RCOR2: variants seen among roughly 807,000 people sequenced by gnomAD.
The protein encoded by RCOR2 is REST corepressor 2.
A neutral mutation model predicts 58.9 loss-of-function variants in RCOR2; 19 were observed. The observed-to-expected ratio is 0.32, with a 90% CI of 0.23 to 0.47. The LOEUF (loss-of-function observed/expected upper bound fraction) is 0.47. Ranked by LOEUF, RCOR2 falls within the 20% of genes least tolerant of loss-of-function variation. The pLI is 1.00. For synonymous variants in RCOR2, 286 were observed against 278.7 expected (o/e 1.03, Z -0.26); for missense variants, 590 against 707.9 (o/e 0.83, Z 1.89).
At chr11:63,917,447 C>G (rs1473464021), upstream of RCOR2, among the ~76,000 whole-genome samples, 2 of 152,120 alleles carry the variant, frequency 1.3e-5, no homozygotes, top group African/African-American at 2.4e-5. Flanking sequence ...CACGCGCACA[C>G]CAACACCACA....
At chr11:63,919,419 C>A (rs1388336598), upstream of RCOR2, among the ~76,000 whole-genome samples, 1 of 152,184 alleles carries the variant, frequency 6.6e-6, no homozygotes, top group South Asian at 2.1e-4. Flanking sequence ...AGAGACAGCA[C>A]CCCCTCCCTG....
Position 63,911,817 on chromosome 11 carries a change from G to A in RCOR2, c.*48C>T. On this transcript the variant is annotated 3_prime_UTR_variant, in exon 12 of 12. Coordinates refer to ENST00000301459, the MANE Select transcript of RCOR2 (RefSeq NM_173587.4). Reference sequence around the variant, plus strand: ...GTGACACCAGAGATGCCTGGGGATGGCCAGCAAAGGGGTCCTGGAGCCCGT... The same window carrying A: ...GTGACACCAGAGATGCCTGGGGATGACCAGCAAAGGGGTCCTGGAGCCCGT... 1.4e-6 allele frequency: 2 copies of A among 1,475,498 alleles called. No individual in the cohort carries two copies. The highest frequency in any genetic ancestry group is 8.9e-7 in the Non-Finnish European group (1 of 1,126,978). 91.4% of individuals were successfully genotyped at this position (1,475,498 alleles called of 1,614,324 possible).
At chr11:63,920,779 C>T (rs1486098943), upstream of RCOR2, among the ~76,000 whole-genome samples, 4 of 152,238 alleles carry the variant, frequency 2.6e-5, no homozygotes, top group African/African-American at 9.6e-5. Context: ...GTTCCTCCCT[C>T]CCCTGCCGCC....
intron 8 of RCOR2, among the ~76,000 whole-genome samples, chr11:63,913,693 G>A (rs1260575821): frequency 6.6e-6 from 1 of 152,126 alleles, no homozygotes; most frequent in African/African-American, 2.4e-5. Context: ...TGTTGGCCAG[G>A]ATGGTCTTGA....
At chr11:63,923,307 C>T in the RCOR2 span, among the ~76,000 whole-genome samples, 3 of 152,006 alleles carry the variant, frequency 2.0e-5, no homozygotes, top group Non-Finnish European at 4.4e-5. Context: ...CACACACACA[C>T]CCCTGCACCT....
intron 2 of RCOR2, 73 bp downstream of exon 2, chr11:63,915,482 C>G: frequency 6.8e-7 from 1 of 1,479,828 alleles, no homozygotes; most frequent in Non-Finnish European, 9.2e-7. Context: ...ATCAAGGGCG[C>G]CCCAGGTGGG....
Position 63,911,717 on chromosome 11 carries a change from A to G in RCOR2, c.*148T>C, listed in dbSNP as rs1941759868. On this transcript the variant is annotated 3_prime_UTR_variant, in exon 12 of 12. Coordinates refer to ENST00000301459, the MANE Select transcript of RCOR2 (RefSeq NM_173587.4). ...GCTGCCAGGAACACATGCAGAACCC[A>G]AAGGGCGGGGCTGGGCTGTCCGAAA... 2 of 1,273,270 alleles carry G rather than the reference A, an allele frequency of 1.6e-6. No individual in the cohort carries two copies. Among genetic ancestry groups the G allele is most frequent in the Non-Finnish European group, 1.0e-6 (1 of 989,524 alleles). 78.9% of individuals were successfully genotyped at this position (1,273,270 alleles called of 1,614,324 possible).
At chr11:63,912,213 C>T in intron 11 of RCOR2, 34 bp from the exon 12 acceptor site, 1 of 1,595,188 alleles carries the variant, frequency 6.3e-7, no homozygotes, top group Non-Finnish European at 8.5e-7. Context: ...AAGCCAGGCT[C>T]TTCCCGCCCT....
upstream of RCOR2, among the ~76,000 whole-genome samples, chr11:63,921,977 G>T (rs1941917976): frequency 6.6e-6 from 1 of 152,220 alleles, no homozygotes; most frequent in Non-Finnish European, 1.5e-5. Flanking sequence ...TGGGCATGAG[G>T]CAGTGCCCTC....
upstream of RCOR2, among the ~76,000 whole-genome samples, chr11:63,919,035 A>G (rs180801566): frequency 3.8e-3 from 586 of 152,236 alleles, 1 homozygote; most frequent in Non-Finnish European, 4.8e-3. Flanking sequence ...GGGCCAAAGG[A>G]AGACTCTGCT....
In RCOR2 at chr11:63,916,710, G is replaced by C. The variant is rs967382580; in HGVS notation, c.-254C>G. 9.2e-6 allele frequency: 5 copies of C among 544,896 alleles called. No homozygotes were observed. The highest frequency in any genetic ancestry group is 1.6e-5 in the Non-Finnish European group (5 of 315,654). The allele number at this position is 544,896 out of a possible 1,614,324, so 33.8% of individuals were successfully genotyped here. A position where few individuals can be genotyped will look rare whatever the true frequency, so the allele number is the denominator to read the frequency against. On this transcript the variant is annotated 5_prime_UTR_variant, in exon 1 of 12. Coordinates refer to ENST00000301459, the MANE Select transcript of RCOR2 (RefSeq NM_173587.4). ...TGGGGGACGCAAGGGATGAGCGCAA[G>C]GTCCGGTGCGGCTGGGGCGTGATTA... is the stretch of plus-strand genomic sequence containing the variant.
At chr11:63,923,491 G>A in the RCOR2 span, among the ~76,000 whole-genome samples, 4 of 151,906 alleles carry the variant, frequency 2.6e-5, no homozygotes, top group South Asian at 2.1e-4. Flanking sequence ...CACAGAAACC[G>A]TTCCTCCAAG....
intron 8 of RCOR2, among the ~76,000 whole-genome samples, chr11:63,913,212 G>A (rs1421590088): frequency 9.4e-6 from 1 of 105,954 alleles, no homozygotes; most frequent in Non-Finnish European, 1.9e-5. Context: ...TTGAGAAGGA[G>A]TTTTATTCTT....
the RCOR2 span, among the ~76,000 whole-genome samples, chr11:63,922,719 T>C: frequency 2.0e-5 from 3 of 152,204 alleles, no homozygotes; most frequent in Admixed American, 6.5e-5. Flanking sequence ...CACGGTTCCC[T>C]ATTGCCTTCC....
At chr11:63,915,341 G>C (rs985106687) in intron 2 of RCOR2, 83 bp from the exon 3 acceptor site, 1 of 1,314,452 alleles carries the variant, frequency 7.6e-7, no homozygotes, top group Admixed American at 2.0e-5. Context: ...GGGCAGCAGA[G>C]GAGTGGAGCC....
rs1460261635 is a variant in RCOR2 at position 63,914,320 on chromosome 11, C to G, written c.616G>C (p.Glu206Gln). The stretch of plus-strand genomic sequence containing the variant: ...TCACTCACGCCTCCTCGACCCTCTT[C>G]GAGCTCATCACTGCTGACACAGGGG... ...RKDKEDSDELEEGRGGVSEGE... is the reference protein window; with the variant it reads ...RKDKEDSDELQEGRGGVSEGE... The change falls in exon 7 of 12, where the codon GAA (glutamate) becomes CAA (glutamine). Residue 206 changes from glutamate to glutamine, a missense_variant. By Grantham distance (29) the Glu-to-Gln change is conservative. This residue lies in a region of RCOR2 where 390 missense variants were observed against 478.7 expected (regional missense o/e 0.81). Transcript: ENST00000301459. 1 of 1,613,594 alleles carries G rather than the reference C, an allele frequency of 6.2e-7. No individual in the cohort carries two copies. Among genetic ancestry groups the G allele is most frequent in the South Asian group, 1.1e-5 (1 of 91,084 alleles).
the RCOR2 span, among the ~76,000 whole-genome samples, chr11:63,925,652 C>CTACA: frequency 7.1e-6 from 1 of 139,928 alleles, no homozygotes; most frequent in Non-Finnish European, 1.5e-5. Flanking sequence ...ACCCCTGCCT[C>CTACA]TACAAAAAAA....
rs1941828661 is a variant in RCOR2 at position 63,914,484 on chromosome 11, G to A, written c.538C>T (p.Arg180Cys). The A allele has an allele frequency of 1.2e-6, 2 of 1,613,782 alleles. No homozygotes were observed. The highest frequency in any genetic ancestry group is 1.1e-5 in the South Asian group (1 of 91,086). ...VKYYYSWKKT[R>C]SRTSVMDRQA... ...CTGTCCATCACACTAGTTCGGCTGC[G>A]GGTCTTCTTCCAAGAGTAGTAGTAT... Residue 180 changes from arginine to cysteine, a missense_variant, in exon 6 of 12, where the codon CGC (arginine) becomes TGC (cysteine). Around this residue, in one of 3 missense-constraint regions of RCOR2, gnomAD observed 390 missense variants for 478.7 expected, o/e 0.81. Transcript: ENST00000301459.
chr11:63,922,039 G>A (rs1941918365), upstream of RCOR2, among the ~76,000 whole-genome samples: 2 of 152,180 alleles, frequency 1.3e-5, no homozygotes, highest in South Asian at 4.1e-4. Context: ...TTGAGGGAGT[G>A]GGTTCTAGAT....
Sources: gnomAD v4.1 joint callset for allele counts (sites outside exome capture counted in the v4.1 genomes callset) on GRCh38, gnomAD v4.1.1 for gene constraint, gnomAD v4.1.1 regional missense constraint, MANE v1.5 for transcripts, NCBI Gene and HGNC (gene_info 2026-07-23, HGNC 2026-07-21) for gene names.